The following CEP85L variants were observed in gnomAD, a reference collection of about 807,000 sequenced individuals.
The protein encoded by CEP85L is centrosomal protein of 85 kDa-like.
CEP85L carries 60 observed loss-of-function variants against 100.3 expected under a neutral mutation model. The observed-to-expected ratio is 0.60, with a 90% CI of 0.49 to 0.74. The LOEUF is 0.74. Among genes scored for constraint, CEP85L ranks in the 30% least tolerant of loss-of-function variants. CEP85L has a pLI of 0.00. For missense variants in CEP85L, 973 were observed against 936.2 expected (o/e 1.04, Z -0.51); for synonymous variants, 319 against 322.7 (o/e 0.99, Z 0.12).
intron 1 of CEP85L, among the ~76,000 whole-genome samples, chr6:118,675,855 G>A (rs770267114): frequency 1.2e-4 from 19 of 152,122 alleles, no homozygotes; most frequent in African/African-American, 1.7e-4. Context: ...AGTGATAAAG[G>A]AGTGAATAAA....
At chr6:118,538,776 T>A (rs539404033) in intron 3 of CEP85L, among the ~76,000 whole-genome samples, 1 of 152,252 alleles carries the variant, frequency 6.6e-6, no homozygotes, top group East Asian at 1.9e-4. Context: ...TCATGGACTT[T>A]ACTTATAAAA....
chr6:118,613,840 T>C (rs935425596), intron 2 of CEP85L, among the ~76,000 whole-genome samples: 1 of 151,270 alleles, frequency 6.6e-6, no homozygotes, highest in African/African-American at 2.4e-5. Context: ...CACCATTCTA[T>C]ACAATCTCTT....
rs764967762 is a variant in CEP85L at position 118,464,553 on chromosome 6, G to A, written c.*852C>T. On this transcript the variant is annotated 3_prime_UTR_variant, in exon 13 of 13. Coordinates refer to ENST00000368491, the MANE Select transcript of CEP85L (RefSeq NM_001042475.3). Reference sequence around the variant, plus strand: ...CTTCCTTTTATAATAATGATCCAATGCCTTTATTAATTATATATGGCTTTG... The same window carrying A: ...CTTCCTTTTATAATAATGATCCAATACCTTTATTAATTATATATGGCTTTG... The A allele has an allele frequency of 2.0e-5, 3 of 151,726 alleles. No individual in the cohort carries two copies. Among genetic ancestry groups the A allele is most frequent in the Admixed American group, 1.3e-4 (2 of 15,210 alleles). 9.4% of individuals were successfully genotyped at this position (151,726 alleles called of 1,614,324 possible).
intron 5 of CEP85L, among the ~76,000 whole-genome samples, chr6:118,505,323 C>T (rs779515466): frequency 2.7e-5 from 4 of 146,014 alleles, no homozygotes; most frequent in Admixed American, 7.0e-5. Flanking sequence ...CGCCTGTAAT[C>T]CCAGCTACTC....
intron 5 of CEP85L, among the ~76,000 whole-genome samples, chr6:118,493,642 A>G (rs1287585429): frequency 6.6e-6 from 1 of 152,210 alleles, no homozygotes; most frequent in Admixed American, 6.5e-5. Flanking sequence ...ATGATTATTT[A>G]AAGATGTAAA....
At chr6:118,694,035 A>AG (rs1554246902) in intron 1 of CEP85L, among the ~76,000 whole-genome samples, 1 of 152,190 alleles carries the variant, frequency 6.6e-6, no homozygotes, top group South Asian at 2.1e-4. Flanking sequence ...AAACAGAAGG[A>AG]GGGGAAAAAA....
intron 1 of CEP85L, among the ~76,000 whole-genome samples, chr6:118,639,785 T>C (rs1774746904): frequency 6.6e-6 from 1 of 152,230 alleles, no homozygotes; most frequent in South Asian, 2.1e-4. Flanking sequence ...AACCACTGGA[T>C]ACCTAACAAA....
chr6:118,563,888 G>T (rs976072720), intron 3 of CEP85L, among the ~76,000 whole-genome samples: 6 of 152,150 alleles, frequency 3.9e-5, no homozygotes, highest in African/African-American at 7.2e-5. Context: ...AATTAGAAGG[G>T]AAGCAGTCAT....
At chr6:118,701,632 G>A (rs147948580) in intron 1 of CEP85L, among the ~76,000 whole-genome samples, 70 of 152,276 alleles carry the variant, frequency 4.6e-4, no homozygotes, top group African/African-American at 1.6e-3. Flanking sequence ...AGAAGGGAGA[G>A]GGAGAGAGAA....
chr6:118,706,260 A>G (rs1777589921), intron 1 of CEP85L, among the ~76,000 whole-genome samples: 1 of 152,238 alleles, frequency 6.6e-6, no homozygotes, highest in African/African-American at 2.4e-5. Context: ...TAAGTTCATC[A>G]ATCAAAGTGC....
intron 2 of CEP85L, 122 bp downstream of exon 2, chr6:118,632,331 A>C (rs968570549): frequency 1.2e-6 from 1 of 812,096 alleles, no homozygotes; most frequent in South Asian, 2.3e-5. Context: ...AACACTGAAC[A>C]TTATTAAATA....
In CEP85L at chr6:118,567,241, GTGTGTGTGTATATATATATATATA is replaced by G. The variant is rs1219541739; in HGVS notation, c.233-949_233-926del. On this transcript the variant is annotated intron_variant, in intron 2 of 12. Transcript: ENST00000368491. ...TGTGTGTGTGTGTGTGTGTGTGTGTGTGTGTGTGTATATATATATATATATATATATATATATATATATATATCC... is the reference window on the plus strand; with the variant it reads ...TGTGTGTGTGTGTGTGTGTGTGTGTGTATATATATATATATATATATATCC... Among the ~76,000 whole-genome samples, 344 of 38,134 alleles carry G rather than the reference GTGTGTGTGTATATATATATATATA, an allele frequency of 9.0e-3. 4 individuals carry two copies. In the South Asian group the frequency reaches 0.092, roughly 10 times the overall value. 25.0% of individuals were successfully genotyped at this position (38,134 alleles called of 152,430 possible). A position where few individuals can be genotyped will look rare whatever the true frequency, so the allele number is the denominator to read the frequency against.
intron 1 of CEP85L, among the ~76,000 whole-genome samples, chr6:118,633,680 G>A (rs1007331041): frequency 2.0e-5 from 3 of 152,108 alleles, no homozygotes; most frequent in Non-Finnish European, 4.4e-5. Flanking sequence ...ATGGACCAGT[G>A]CCAATCTGTA....
rs761712254 is a variant in CEP85L at position 118,565,885 on chromosome 6, G to A, written c.664C>T (p.Arg222Trp). 6.7e-5 allele frequency: 108 copies of A among 1,613,982 alleles called. 1 individual carries two copies. The highest frequency in any genetic ancestry group is 4.4e-5 in the Non-Finnish European group (52 of 1,179,986). Residue 222 changes from arginine to tryptophan, a missense_variant, in exon 3 of 13, where the codon CGG (arginine) becomes TGG (tryptophan). Physicochemically the swap from Arg to Trp is moderately radical, Grantham distance 101. Transcript: ENST00000368491. ...TACTTGCAGTCCAGAGTTGATGACCGTTTTTTATTTATTTCCTTGTCCTCT... is the reference window on the plus strand; with the variant it reads ...TACTTGCAGTCCAGAGTTGATGACCATTTTTTATTTATTTCCTTGTCCTCT... ...RLEDKEINKK[R>W]SSTLDCKYKF...
At chr6:118,652,535 A>T (rs1775628813), upstream of CEP85L, 1 of 1,401,212 alleles carries the variant, frequency 7.1e-7, no homozygotes, top group Non-Finnish European at 9.3e-7. Flanking sequence ...GTCGGAACGC[A>T]GGTCGCTTAA....
At chr6:118,591,610 G>A (rs557520434) in intron 2 of CEP85L, among the ~76,000 whole-genome samples, 1 of 152,216 alleles carries the variant, frequency 6.6e-6, no homozygotes, top group East Asian at 1.9e-4. Context: ...TTTACATAGG[G>A]TGTACACGAA....
chr6:118,476,144 T>A (rs1773353425), intron 10 of CEP85L, among the ~76,000 whole-genome samples: 1 of 152,122 alleles, frequency 6.6e-6, no homozygotes, highest in African/African-American at 2.4e-5. Flanking sequence ...CCCCGCGACA[T>A]AACTGATTTT....
At chr6:118,582,355 T>G (rs527738780) in intron 2 of CEP85L, among the ~76,000 whole-genome samples, 1 of 152,336 alleles carries the variant, frequency 6.6e-6, no homozygotes, top group Admixed American at 6.5e-5. Context: ...CTCAGGTGTT[T>G]GATCTCACAT....
chr6:118,558,047 C>A (rs1046096651), intron 3 of CEP85L, among the ~76,000 whole-genome samples: 1 of 151,930 alleles, frequency 6.6e-6, no homozygotes, highest in East Asian at 1.9e-4. Flanking sequence ...TCAATGCAAC[C>A]CCTGCCTCCT....
Sources: allele counts gnomAD v4.1 joint callset (sites outside exome capture counted in the v4.1 genomes callset), GRCh38; gene constraint gnomAD v4.1.1; transcripts MANE v1.5; gene names NCBI Gene and HGNC (gene_info 2026-07-23, HGNC 2026-07-21).